Variants in GLYATL1 observed in about 807,000 individuals in gnomAD.
GLYATL1 encodes glycine-N-acyltransferase like 1, also known as glycine N-acyltransferase-like protein 1.
In GLYATL1, 15 loss-of-function variants were observed where a neutral mutation model predicts 20.0. The observed-to-expected ratio is 0.75, with a 90% CI of 0.50 to 1.15. The LOEUF (loss-of-function observed/expected upper bound fraction) is 1.15. Ranked by LOEUF, GLYATL1 falls within the 50% of genes most tolerant of loss-of-function variation. The pLI is 0.00. For missense variants in GLYATL1, 380 were observed against 368.5 expected, an observed-to-expected ratio of 1.03 and a Z score of -0.26; for synonymous variants, 151 against 131.5, an observed-to-expected ratio of 1.15 and a Z score of -1.01.
chr11:58,923,134 C>G (rs1855347787), upstream of GLYATL1, among the ~76,000 whole-genome samples: 1 of 152,184 alleles, frequency 6.6e-6, no homozygotes, highest in African/African-American at 2.4e-5. Context: ...AGACCGAATC[C>G]CTTCTGAACT....
intron 1 of GLYATL1, among the ~76,000 whole-genome samples, chr11:58,918,067 G>A (rs1166676255): frequency 4.0e-5 from 6 of 151,836 alleles, no homozygotes; most frequent in Non-Finnish European, 7.4e-5. Flanking sequence ...CACTGACAAG[G>A]CAGATCTACT....
At chr11:58,911,564 C>T (rs190554175), downstream of GLYATL1, among the ~76,000 whole-genome samples, 20 of 152,236 alleles carry the variant, frequency 1.3e-4, no homozygotes, top group Admixed American at 5.2e-4. Flanking sequence ...CACTAATGAC[C>T]AATAATTTGA....
chr11:58,932,110 C>CAAA (rs5792141), intron 1 of GLYATL1, among the ~76,000 whole-genome samples: 1,530 of 59,162 alleles, frequency 0.026, 121 homozygotes, highest in African/African-American at 0.076. Context: ...GACCCCTTCT[C>CAAA]AAAAAAAAAA....
chr11:58,906,773 G>A (rs1275066575), intron 1 of GLYATL1, among the ~76,000 whole-genome samples: 1 of 152,208 alleles, frequency 6.6e-6, no homozygotes, highest in Non-Finnish European at 1.5e-5. Flanking sequence ...ACAGCTGCAA[G>A]CACAGGTTAC....
At chr11:58,919,350 C>A (rs189211979) in intron 1 of GLYATL1, among the ~76,000 whole-genome samples, 2 of 152,212 alleles carry the variant, frequency 1.3e-5, no homozygotes, top group Non-Finnish European at 2.9e-5. Context: ...CCTGATCCCA[C>A]CTCAGATGAG....
Position 58,955,596 on chromosome 11 carries a change from T to C in GLYATL1, c.492-14T>C, listed in dbSNP as rs898066005. On this transcript the variant is annotated splice_polypyrimidine_tract_variant and intron_variant, in intron 6 of 6. Transcript: ENST00000532726. ...GGGGATGAAAGTTGTTGTCTTTCTTTTTGTTGTCTACAGTGAAACTCCCAA... is the reference window on the plus strand; with the variant it reads ...GGGGATGAAAGTTGTTGTCTTTCTTCTTGTTGTCTACAGTGAAACTCCCAA... The C allele has an allele frequency of 5.6e-6, 9 of 1,608,246 alleles. No homozygotes were observed. Among genetic ancestry groups the C allele is most frequent in the Non-Finnish European group, 7.7e-6 (9 of 1,176,212 alleles).
intron 1 of GLYATL1, chr11:58,917,381 G>C (rs980071870): frequency 6.6e-6 from 1 of 152,214 alleles, no homozygotes; most frequent in Non-Finnish European, 1.5e-5. Context: ...CCAAACACTG[G>C]TCCCAGAACA....
chr11:58,941,140 T>C (rs1050234121), intron 1 of GLYATL1, among the ~76,000 whole-genome samples: 1 of 150,894 alleles, frequency 6.6e-6, no homozygotes, highest in African/African-American at 2.4e-5. Flanking sequence ...GCTGCACCCA[T>C]TAACTCGTCA....
rs766976295 is a variant in GLYATL1 at position 58,943,546 on chromosome 11, G to A, written c.-163G>A. 1.1e-4 allele frequency: 184 copies of A among 1,611,040 alleles called. No homozygotes were observed. Among genetic ancestry groups the A allele is most frequent in the Non-Finnish European group, 1.5e-4 (173 of 1,178,642 alleles). On this transcript the variant is annotated 5_prime_UTR_variant, in exon 2 of 7. In the 5' UTR this introduces an upstream ATG that the reference lacks. Transcript: ENST00000532726. ...GCTGAAGTTTTTCTTTTATCAGATG[G>A]TGTCACAAGAAGGATCTGAAGTGGA...
chr11:58,931,901 G>A (rs1032041002), intron 1 of GLYATL1, among the ~76,000 whole-genome samples: 1 of 151,958 alleles, frequency 6.6e-6, no homozygotes, highest in South Asian at 2.1e-4. Context: ...CAGGAGGTCA[G>A]GTGTTCCAGA....
At chr11:58,925,730 C>T (rs996114097), upstream of GLYATL1, among the ~76,000 whole-genome samples, 3 of 152,188 alleles carry the variant, frequency 2.0e-5, no homozygotes, top group African/African-American at 7.2e-5. Flanking sequence ...TGTTTTTCTA[C>T]AGCTGATTGA....
chr11:58,912,113 T>C (rs1855060310), downstream of GLYATL1, among the ~76,000 whole-genome samples: 1 of 152,244 alleles, frequency 6.6e-6, no homozygotes, highest in South Asian at 2.1e-4. Context: ...TGAACAAGTA[T>C]ATTCTCCATT....
At chr11:58,938,307 T>C (rs1047202357), upstream of GLYATL1, among the ~76,000 whole-genome samples, 3 of 152,186 alleles carry the variant, frequency 2.0e-5, no homozygotes, top group Non-Finnish European at 4.4e-5. Context: ...GGTATCCTAG[T>C]TGTCTCTTCC....
upstream of GLYATL1, among the ~76,000 whole-genome samples, chr11:58,924,931 A>C (rs1231345589): frequency 6.6e-6 from 1 of 152,278 alleles, no homozygotes; most frequent in Non-Finnish European, 1.5e-5. Flanking sequence ...TAGCAGGTAT[A>C]GGTAATAGGC....
chr11:58,918,193 G>A (rs1855223861), intron 1 of GLYATL1, among the ~76,000 whole-genome samples: 1 of 152,156 alleles, frequency 6.6e-6, no homozygotes, highest in African/African-American at 2.4e-5. Flanking sequence ...AAGAGGCAAG[G>A]GAGTCTTAAG....
intron 1 of GLYATL1, 42 bp from the exon 2 acceptor site, chr11:58,943,501 A>G: frequency 6.4e-7 from 1 of 1,556,858 alleles, no homozygotes; most frequent in Non-Finnish European, 8.7e-7. Flanking sequence ...GCTTAATGAA[A>G]CTCCTTTAAG....
chr11:58,929,722 A>T (rs1385003789), intron 1 of GLYATL1, among the ~76,000 whole-genome samples: 1 of 152,158 alleles, frequency 6.6e-6, no homozygotes, highest in African/African-American at 2.4e-5. Flanking sequence ...CCTCACATGC[A>T]TGTGCAGATC....
rs1034962728 is a variant in GLYATL1, at chr11:58,922,147, C to T, written n.264+16486C>T. On this transcript the variant is annotated intron_variant and non_coding_transcript_variant, in intron 1 of 2. Transcript: ENST00000534674. Reference sequence around the variant, plus strand: ...TCAAGAAATTGGCCCTGTGTATATGCCTGGGCATCAACTGTGCCTGCAGGT... The same window carrying T: ...TCAAGAAATTGGCCCTGTGTATATGTCTGGGCATCAACTGTGCCTGCAGGT... Among the ~76,000 whole-genome samples, 7 of 152,312 alleles carry T rather than the reference C, an allele frequency of 4.6e-5. No homozygotes were observed. The East Asian group carries it at 1.4e-3, about 29-fold the overall frequency.
chr11:58,919,783 G>C (rs540260036), intron 1 of GLYATL1, among the ~76,000 whole-genome samples: 19 of 152,278 alleles, frequency 1.2e-4, no homozygotes, highest in African/African-American at 4.3e-4. Flanking sequence ...CTCGGCACAA[G>C]TTAGACATTG....
Sources: gnomAD v4.1 joint callset for allele counts (sites outside exome capture counted in the v4.1 genomes callset) on GRCh38, gnomAD v4.1.1 for gene constraint, MANE v1.5 for transcripts, NCBI Gene and HGNC (gene_info 2026-07-23, HGNC 2026-07-21) for gene names.